The following NOL4 variants were observed in gnomAD, a reference collection of about 807,000 sequenced individuals.
NOL4 encodes the protein cancer/testis antigen 125.
Under a neutral mutation model 75.9 loss-of-function variants are expected in NOL4, and 17 were observed. The ratio of observed to expected loss-of-function variants is 0.22; its 90% CI spans 0.15 to 0.34. The LOEUF (loss-of-function observed/expected upper bound fraction) is 0.34, where lower values mean the gene tolerates loss of function less well. Among genes scored for constraint, NOL4 ranks in the 10% least tolerant of loss-of-function variants. The pLI, the probability that NOL4 is intolerant of heterozygous loss-of-function variation, is 1.00. For missense variants in NOL4, 614 were observed against 793.5 expected (o/e 0.77, Z 2.72); for synonymous variants, 292 against 289.9 (o/e 1.01, Z -0.07).
intron 5 of NOL4, among the ~76,000 whole-genome samples, chr18:34,057,447 G>A (rs2076878097): frequency 1.3e-5 from 2 of 152,106 alleles, no homozygotes; most frequent in South Asian, 2.1e-4. Context: ...TTGTATACGT[G>A]CCATTGTCCT....
chr18:34,031,809 A>G (rs2144664691), intron 5 of NOL4, among the ~76,000 whole-genome samples: 1 of 152,278 alleles, frequency 6.6e-6, no homozygotes, highest in East Asian at 1.9e-4. Flanking sequence ...CACATTTCCA[A>G]CATGGAGTGT....
chr18:33,965,692 C>T (rs1433937845), intron 6 of NOL4, among the ~76,000 whole-genome samples: 1 of 152,166 alleles, frequency 6.6e-6, no homozygotes, highest in East Asian at 1.9e-4. Context: ...CTTCTCCTTA[C>T]TGCTGCCATG....
intron 9 of NOL4, among the ~76,000 whole-genome samples, chr18:33,903,134 T>A (rs200093955): frequency 5.3e-5 from 8 of 152,288 alleles, no homozygotes; most frequent in African/African-American, 1.9e-4. Context: ...AGAGAGTTAA[T>A]TGACTCACAA....
At chr18:34,195,149 A>G (rs2035238037) in intron 1 of NOL4, among the ~76,000 whole-genome samples, 1 of 152,220 alleles carries the variant, frequency 6.6e-6, no homozygotes, top group Admixed American at 6.5e-5. Flanking sequence ...ACTTAATTCA[A>G]ATTAATGAAA....
chr18:34,125,962 T>C (rs573603809), intron 2 of NOL4, among the ~76,000 whole-genome samples: 3 of 115,526 alleles, frequency 2.6e-5, no homozygotes, highest in African/African-American at 3.0e-5. Context: ...ATCTACAGGA[T>C]GCACCAAAAA....
At chr18:33,858,289 C>T (rs1227020769) in intron 10 of NOL4, among the ~76,000 whole-genome samples, 1 of 151,804 alleles carries the variant, frequency 6.6e-6, no homozygotes, top group Non-Finnish European at 1.5e-5. Context: ...CAAATTCGCC[C>T]CTTGAAAACT....
intron 2 of NOL4, among the ~76,000 whole-genome samples, chr18:34,119,465 T>C (rs756035885): frequency 5.3e-5 from 8 of 152,146 alleles, no homozygotes; most frequent in African/African-American, 4.8e-5. Flanking sequence ...ATTACTCCAA[T>C]GCACCATTTG....
intron 9 of NOL4, among the ~76,000 whole-genome samples, chr18:33,933,619 TC>T (rs1479956837): frequency 6.6e-6 from 1 of 152,144 alleles, no homozygotes; most frequent in African/African-American, 2.4e-5. Context: ...GGATTCTATC[TC>T]AAGAAACCAC....
At chr18:34,190,663 T>A (rs1489721144) in intron 1 of NOL4, among the ~76,000 whole-genome samples, 1 of 151,736 alleles carries the variant, frequency 6.6e-6, no homozygotes, top group Non-Finnish European at 1.5e-5. Context: ...AAAGACATTT[T>A]TAATATATAA....
At chr18:33,928,514 T>G (rs894378168) in intron 9 of NOL4, among the ~76,000 whole-genome samples, 3 of 152,000 alleles carry the variant, frequency 2.0e-5, no homozygotes, top group Non-Finnish European at 4.4e-5. Context: ...GAAATAAAGT[T>G]TCTCAGCTTC....
intron 1 of NOL4, among the ~76,000 whole-genome samples, chr18:34,191,487 G>A (rs932450152): frequency 3.9e-5 from 6 of 151,988 alleles, no homozygotes; most frequent in Non-Finnish European, 8.8e-5. Flanking sequence ...AGTCAAGAAG[G>A]TATCATCATG....
At chr18:33,989,822 T>C (rs2146094154) in intron 6 of NOL4, among the ~76,000 whole-genome samples, 1 of 152,256 alleles carries the variant, frequency 6.6e-6, no homozygotes, top group South Asian at 2.1e-4. Context: ...TACTTCATTA[T>C]AGCTGTGACA....
At chr18:34,216,005 T>C (rs1244025616) in intron 1 of NOL4, among the ~76,000 whole-genome samples, 1 of 152,166 alleles carries the variant, frequency 6.6e-6, no homozygotes, top group African/African-American at 2.4e-5. Context: ...TCCAAAAATT[T>C]TCCAAATACT....
intron 1 of NOL4, among the ~76,000 whole-genome samples, chr18:34,160,097 T>C (rs1335065579): frequency 6.6e-6 from 1 of 152,166 alleles, no homozygotes; most frequent in East Asian, 1.9e-4. Context: ...GAAGGGTGTC[T>C]TTTCTGGCAG....
chr18:34,126,421 T>C (rs906259665), intron 2 of NOL4, among the ~76,000 whole-genome samples: 1 of 152,196 alleles, frequency 6.6e-6, no homozygotes, highest in Non-Finnish European at 1.5e-5. Flanking sequence ...GTAATACATA[T>C]AAGTTTACAA....
intron 1 of NOL4, among the ~76,000 whole-genome samples, chr18:34,179,981 C>T (rs2033897070): frequency 6.6e-6 from 1 of 150,742 alleles, no homozygotes; most frequent in Non-Finnish European, 1.5e-5. Flanking sequence ...GATGATTAAA[C>T]AGATTGAAAA....
At chr18:33,882,186 A>G (rs2064329767) in intron 10 of NOL4, among the ~76,000 whole-genome samples, 1 of 152,346 alleles carries the variant, frequency 6.6e-6, no homozygotes, top group Middle Eastern at 3.4e-3. Flanking sequence ...AATGGCAACA[A>G]AAGCCAAAGT....
At chr18:33,925,522 C>T (rs1487305326) in intron 9 of NOL4, among the ~76,000 whole-genome samples, 1 of 152,106 alleles carries the variant, frequency 6.6e-6, no homozygotes, top group Non-Finnish European at 1.5e-5. Context: ...CTCAAATTTG[C>T]TTGATAGGCA....
chr18:33,951,849 T>G (rs1299219490), intron 8 of NOL4, among the ~76,000 whole-genome samples: 2 of 152,192 alleles, frequency 1.3e-5, no homozygotes, highest in Non-Finnish European at 2.9e-5. Context: ...GAATGAGCCT[T>G]TCTTGGGCCC....
Sources: allele counts gnomAD v4.1 joint callset (sites outside exome capture counted in the v4.1 genomes callset), GRCh38; gene constraint gnomAD v4.1.1; transcripts MANE v1.5; gene names NCBI Gene and HGNC (gene_info 2026-07-23, HGNC 2026-07-21).